ABI1: variants seen among roughly 807,000 people sequenced by gnomAD.
ABI1 encodes Abelson interactor 1.
ABI1 carries 14 observed loss-of-function variants against 54.6 expected under a neutral mutation model. That is an observed-to-expected ratio of 0.26 (90% CI 0.17 to 0.40). The LOEUF (loss-of-function observed/expected upper bound fraction) is 0.40. ABI1 is among the 10% of genes least tolerant of loss of function. The pLI, the probability that ABI1 is intolerant of heterozygous loss-of-function variation, is 1.00. For synonymous variants in ABI1, 194 were observed against 209.3 expected (o/e 0.93, Z 0.63); for missense variants, 443 against 598.3 (o/e 0.74, Z 2.71).
At chr10:26,852,081 C>A (rs1346232103) in intron 1 of ABI1, among the ~76,000 whole-genome samples, 1 of 151,854 alleles carries the variant, frequency 6.6e-6, no homozygotes, top group Middle Eastern at 3.2e-3. Context: ...ATCGCTTGAC[C>A]CCAGAATTAC....
In ABI1 at chr10:26,860,083, C is replaced by A. The variant is rs1332442204; in HGVS notation, c.117+664G>T. Among the ~76,000 whole-genome samples the A allele has an allele frequency of 3.9e-5, 6 of 152,184 alleles. No homozygotes were observed. Among genetic ancestry groups the A allele is most frequent in the Admixed American group, 3.9e-4 (6 of 15,286 alleles). ...AAGGAATTTTAAGATGAACTTCTCT[C>A]AAACGCCCTCCCTCACTCCCCACAC... On this transcript the variant is annotated intron_variant, in intron 1 of 10. Transcript: ENST00000376140. The surrounding 1 kb of genome is among the most constrained non-coding windows in gnomAD (Gnocchi z 4.1).
chr10:26,758,708 C>T (rs35502413), intron 8 of ABI1, among the ~76,000 whole-genome samples: 1 of 152,162 alleles, frequency 6.6e-6, no homozygotes, highest in Admixed American at 6.5e-5. Context: ...TTTACCATTA[C>T]TACGCTGTCT....
chr10:26,847,061 T>C (rs2050037192), intron 1 of ABI1, among the ~76,000 whole-genome samples: 2 of 152,194 alleles, frequency 1.3e-5, no homozygotes, highest in South Asian at 2.1e-4. Context: ...CTGTATCTGA[T>C]TGACAAAACA....
intron 2 of ABI1, among the ~76,000 whole-genome samples, chr10:26,791,721 C>T (rs1843490200): frequency 6.6e-6 from 1 of 151,972 alleles, no homozygotes; most frequent in South Asian, 2.1e-4. Context: ...TATAAGGAAA[C>T]TTGGTATCTT....
At chr10:26,780,966 T>C (rs1842033258) in intron 2 of ABI1, among the ~76,000 whole-genome samples, 1 of 152,184 alleles carries the variant, frequency 6.6e-6, no homozygotes, top group African/African-American at 2.4e-5. Context: ...GGTATTGATA[T>C]TTTACAGGCC....
chr10:26,772,915 A>AT (rs1376602281), intron 3 of ABI1, among the ~76,000 whole-genome samples: 6 of 151,920 alleles, frequency 3.9e-5, no homozygotes, highest in East Asian at 3.9e-4. Context: ...TCTTGAAAAA[A>AT]AAAAATAAAA....
intron 1 of ABI1, among the ~76,000 whole-genome samples, chr10:26,841,204 A>T (rs1175798437): frequency 1.3e-5 from 2 of 152,036 alleles, no homozygotes. Context: ...AGTGATTCTC[A>T]ACTCTAGGTG....
intron 2 of ABI1, among the ~76,000 whole-genome samples, chr10:26,819,402 A>C (rs1447379103): frequency 6.6e-6 from 1 of 152,248 alleles, no homozygotes; most frequent in Non-Finnish European, 1.5e-5. Flanking sequence ...GCATTTGTGT[A>C]CCTAATATAG....
intron 1 of ABI1, among the ~76,000 whole-genome samples, chr10:26,850,657 C>CA (rs560840432): frequency 0.11 from 10,863 of 101,174 alleles, 441 homozygotes; most frequent in Middle Eastern, 0.17. Flanking sequence ...GACTCCGTCT[C>CA]AAAAAAAAAA....
At chr10:26,852,232 C>T (rs1173221517) in intron 1 of ABI1, among the ~76,000 whole-genome samples, 2 of 152,164 alleles carry the variant, frequency 1.3e-5, no homozygotes, top group African/African-American at 2.4e-5. Flanking sequence ...GTAATCCCAA[C>T]ATTTTGGGAG....
At chr10:26,843,898 A>T (rs2049781598) in intron 1 of ABI1, among the ~76,000 whole-genome samples, 1 of 152,190 alleles carries the variant, frequency 6.6e-6, no homozygotes, top group South Asian at 2.1e-4. Context: ...CCTATAACTC[A>T]TTTATCTTAT....
At chr10:26,766,719 G>C (rs1176795134) in intron 6 of ABI1, among the ~76,000 whole-genome samples, 1 of 152,036 alleles carries the variant, frequency 6.6e-6, no homozygotes, top group Non-Finnish European at 1.5e-5. Flanking sequence ...TTTCCAACAA[G>C]GGGTTGGCAA....
chr10:26,827,425 G>A (rs557269349), intron 1 of ABI1, among the ~76,000 whole-genome samples: 97 of 151,830 alleles, frequency 6.4e-4, no homozygotes, highest in African/African-American at 2.3e-3. Flanking sequence ...GTTTCACCAT[G>A]TTAGCCAGGA....
intron 7 of ABI1, among the ~76,000 whole-genome samples, chr10:26,762,146 A>C (rs1033452985): frequency 5.9e-5 from 9 of 152,144 alleles, no homozygotes; most frequent in Non-Finnish European, 1.0e-4. Flanking sequence ...AGCTGGGGCT[A>C]CAGGCATGCA....
intron 1 of ABI1, among the ~76,000 whole-genome samples, chr10:26,833,767 T>TAC (rs2048839950): frequency 5.1e-5 from 1 of 19,428 alleles, no homozygotes; most frequent in East Asian, 1.3e-3. Flanking sequence ...TCACAATATT[T>TAC]ATACACACAC....
At position 26,748,558 on chromosome 10, in the gene ABI1, GAAA is replaced by G. The variant is rs113435131; in HGVS notation, c.*9_*11del. 2 of 1,241,178 alleles carry G rather than the reference GAAA, an allele frequency of 1.6e-6. No homozygotes were observed. The highest frequency in any genetic ancestry group is 3.0e-5 in the South Asian group (2 of 66,622). The allele number at this position is 1,241,178 out of a possible 1,614,324, so 76.9% of individuals were successfully genotyped here. A position where few individuals can be genotyped will look rare whatever the true frequency, so the allele number is the denominator to read the frequency against. Reference sequence around the variant, plus strand: ...TGAGTAATAAGAATCTACTTCAAAAGAAAAAAAAAAATTAATCAGTATAGTGCA... The same window carrying G: ...TGAGTAATAAGAATCTACTTCAAAAGAAAAAAAATTAATCAGTATAGTGCA... On this transcript the variant is annotated 3_prime_UTR_variant, in exon 11 of 11. Coordinates refer to ENST00000376140, the MANE Select transcript of ABI1 (RefSeq NM_001012750.3).
chr10:26,825,133 T>C (rs892279501), intron 1 of ABI1, among the ~76,000 whole-genome samples: 3 of 152,094 alleles, frequency 2.0e-5, no homozygotes, highest in South Asian at 2.1e-4. Context: ...AAGACAACAA[T>C]GAAATTTGCT....
intron 3 of ABI1, among the ~76,000 whole-genome samples, chr10:26,773,470 G>T (rs535593580): frequency 4.6e-5 from 7 of 151,738 alleles, no homozygotes; most frequent in Non-Finnish European, 8.8e-5. Context: ...AAAGTGCCAA[G>T]ATTACAGGCA....
At chr10:26,815,507 T>C (rs1468443969) in intron 2 of ABI1, among the ~76,000 whole-genome samples, 1 of 152,234 alleles carries the variant, frequency 6.6e-6, no homozygotes, top group Non-Finnish European at 1.5e-5. Context: ...GAAAATGTTT[T>C]GTTACTGAAA....
Sources: allele counts gnomAD v4.1 joint callset (sites outside exome capture counted in the v4.1 genomes callset), GRCh38; gene constraint gnomAD v4.1.1; non-coding constraint Gnocchi (gnomAD v3.1); transcripts MANE v1.5; gene names NCBI Gene and HGNC (gene_info 2026-07-23, HGNC 2026-07-21).